OR4F16: variants seen among roughly 807,000 people sequenced by gnomAD.
The protein encoded by OR4F16 is olfactory receptor family 4 subfamily F member 16.
upstream of OR4F16, among the ~76,000 whole-genome samples, chr1:690,408 C>A (rs1643043144): frequency 8.8e-6 from 1 of 113,528 alleles, no homozygotes; most frequent in Non-Finnish European, 1.7e-5. Flanking sequence ...TAGCTGTTTG[C>A]CAAAATTCAA....
chr1:690,460 CA>C (rs1643044214), upstream of OR4F16, among the ~76,000 whole-genome samples: 1 of 132,536 alleles, frequency 7.5e-6, no homozygotes, highest in South Asian at 2.7e-4. Context: ...CTTTTATCTT[CA>C]AATCCTAAAA....
At chr1:712,598 TTAA>T in the OR4F16 span, among the ~76,000 whole-genome samples, 1 of 146,512 alleles carries the variant, frequency 6.8e-6, no homozygotes, top group South Asian at 2.2e-4. Flanking sequence ...CTAATTTCCT[TTAA>T]TAATAATAAA....
the OR4F16 span, among the ~76,000 whole-genome samples, chr1:710,244 AT>A: frequency 3.7e-5 from 5 of 135,774 alleles, no homozygotes; most frequent in African/African-American, 1.0e-4. Flanking sequence ...TATTTAATAT[AT>A]TTTTTGCATA....
the OR4F16 span, among the ~76,000 whole-genome samples, chr1:713,449 G>T: frequency 7.6e-6 from 1 of 131,556 alleles, no homozygotes; most frequent in Non-Finnish European, 1.5e-5. Flanking sequence ...CCAAAGTCAA[G>T]TTATCCATTA....
chr1:691,784 C>T, the OR4F16 span, among the ~76,000 whole-genome samples: 7 of 78,556 alleles, frequency 8.9e-5, no homozygotes, highest in African/African-American at 3.5e-4. Flanking sequence ...CCCAAATTGC[C>T]TTTTTCATGA....
At chr1:709,941 CAT>C in the OR4F16 span, among the ~76,000 whole-genome samples, 1 of 142,532 alleles carries the variant, frequency 7.0e-6, no homozygotes, top group Non-Finnish European at 1.5e-5. Flanking sequence ...ATCAGCAAAA[CAT>C]ATTGTTTAGT....
At chr1:701,092 G>T in the OR4F16 span, among the ~76,000 whole-genome samples, 1 of 115,864 alleles carries the variant, frequency 8.6e-6, no homozygotes, top group Non-Finnish European at 1.7e-5. Context: ...ATAGAAGCCA[G>T]AAGGATTTCA....
upstream of OR4F16, among the ~76,000 whole-genome samples, chr1:690,758 T>A (rs1643049427): frequency 7.0e-6 from 1 of 143,056 alleles, no homozygotes; most frequent in Non-Finnish European, 1.5e-5. Flanking sequence ...GAAGTTCTAG[T>A]ATTTGATTGC....
chr1:712,565 A>T, the OR4F16 span, among the ~76,000 whole-genome samples: 67 of 140,232 alleles, frequency 4.8e-4, no homozygotes, highest in African/African-American at 1.2e-3. Flanking sequence ...TGAAGGTCAT[A>T]AAAAATATAA....
At chr1:715,674 A>T in the OR4F16 span, among the ~76,000 whole-genome samples, 2 of 79,244 alleles carry the variant, frequency 2.5e-5, no homozygotes, top group Admixed American at 1.5e-4. Context: ...TCTACAAAAA[A>T]TACAAAAATT....
At chr1:710,221 T>C in the OR4F16 span, among the ~76,000 whole-genome samples, 1 of 133,366 alleles carries the variant, frequency 7.5e-6, no homozygotes, top group Non-Finnish European at 1.6e-5. Flanking sequence ...AGCTACACTA[T>C]ATATTTTCAA....
At chr1:701,778 G>A in the OR4F16 span, among the ~76,000 whole-genome samples, 3 of 150,862 alleles carry the variant, frequency 2.0e-5, no homozygotes. Context: ...TGAGGGTGGA[G>A]GGTGAGAAAA....
chr1:712,625 AAT>A, the OR4F16 span, among the ~76,000 whole-genome samples: 1 of 148,294 alleles, frequency 6.7e-6, no homozygotes, highest in Admixed American at 6.7e-5. Context: ...CTTTAATAAA[AAT>A]ATAAAGGAAT....
the OR4F16 span, among the ~76,000 whole-genome samples, chr1:719,010 T>C: frequency 4.4e-5 from 3 of 68,236 alleles, no homozygotes; most frequent in African/African-American, 2.0e-4. Context: ...ATTACAGATG[T>C]GAGCCACAAT....
chr1:715,943 T>C, the OR4F16 span, among the ~76,000 whole-genome samples: 5 of 145,464 alleles, frequency 3.4e-5, no homozygotes, highest in Non-Finnish European at 7.5e-5. Context: ...CTAAATCAAC[T>C]TGACTAACAA....
chr1:691,355 TG>T (rs1451007313), upstream of OR4F16, among the ~76,000 whole-genome samples: 1 of 151,932 alleles, frequency 6.6e-6, no homozygotes, highest in East Asian at 2.0e-4. Flanking sequence ...AAAGCTCTCA[TG>T]TCTACACTTG....
the OR4F16 span, among the ~76,000 whole-genome samples, chr1:692,457 GAAACTTCTCA>G: frequency 3.2e-4 from 49 of 151,712 alleles, no homozygotes; most frequent in African/African-American, 1.1e-3. Flanking sequence ...CCTATCATTA[GAAACTTCTCA>G]AAGGTATATG....
upstream of OR4F16, among the ~76,000 whole-genome samples, chr1:687,384 CTGTCA>C: frequency 7.3e-6 from 1 of 137,382 alleles, no homozygotes; most frequent in Non-Finnish European, 1.6e-5. Flanking sequence ...CCTATGCCAC[CTGTCA>C]TGTAAGGCTT....
At chr1:715,887 A>C in the OR4F16 span, among the ~76,000 whole-genome samples, 1 of 150,756 alleles carries the variant, frequency 6.6e-6, no homozygotes, top group African/African-American at 2.5e-5. Context: ...ATCATGTCAA[A>C]GGTAAGAAAA....
Sources: gnomAD v4.1 joint callset for allele counts (sites outside exome capture counted in the v4.1 genomes callset) on GRCh38, gnomAD v4.1.1 for gene constraint, MANE v1.5 for transcripts, NCBI Gene and HGNC (gene_info 2026-07-23, HGNC 2026-07-21) for gene names.